The following NSUN6 variants were observed in gnomAD, a reference collection of about 807,000 sequenced individuals.
The protein encoded by NSUN6 is tRNA (cytosine(72)-C(5))-methyltransferase NSUN6.
NSUN6 carries 64 observed loss-of-function variants against 58.0 expected under a neutral mutation model. The observed-to-expected ratio is 1.10, with a 90% CI of 0.90 to 1.36. The LOEUF (loss-of-function observed/expected upper bound fraction) is 1.36. Among genes scored for constraint, NSUN6 ranks in the 40% most tolerant of loss-of-function variants. The pLI, the probability that NSUN6 is intolerant of heterozygous loss-of-function variation, is 0.00. For synonymous variants in NSUN6, 231 were observed against 193.9 expected (o/e 1.19, Z -1.59); for missense variants, 701 against 550.1 (o/e 1.27, Z -2.74).
intron 5 of NSUN6, among the ~76,000 whole-genome samples, chr10:18,611,012 T>G (rs1049073836): frequency 6.6e-6 from 1 of 152,094 alleles, no homozygotes; most frequent in Non-Finnish European, 1.5e-5. Context: ...GACAGCAGCC[T>G]GGGCAACATC....
chr10:18,609,892 G>T lies in NSUN6; in HGVS notation c.610C>A (p.Leu204Ile), dbSNP rs562858681. ...MGIRMTEPVY[L>I]SPSFDSVLPR... ...AGTACACTGTCAAATGAAGGGCTGA[G>T]ATATACTGGTTCTGTCATTCTTATG... The change falls in exon 6 of 11, where the codon CTC (leucine) becomes ATC (isoleucine). Residue 204 changes from leucine to isoleucine, a missense_variant. Physicochemically the swap from Leu to Ile is conservative, Grantham distance 5. Transcript: ENST00000377304. 32 of 1,605,196 alleles carry T rather than the reference G, an allele frequency of 2.0e-5. No individual in the cohort carries two copies. In the African/African-American group the frequency reaches 4.1e-4, roughly 21 times the overall value.
chr10:18,549,576 C>G (rs778749577), intron 9 of NSUN6, among the ~76,000 whole-genome samples: 4 of 152,038 alleles, frequency 2.6e-5, no homozygotes, highest in Non-Finnish European at 4.4e-5. Context: ...TGAATAAGGG[C>G]ATGGAGTGTT....
intron 7 of NSUN6, among the ~76,000 whole-genome samples, chr10:18,589,072 T>C (rs1388550043): frequency 6.6e-6 from 1 of 152,104 alleles, no homozygotes; most frequent in East Asian, 1.9e-4. Context: ...GAGAGGAACA[T>C]AAATGACCTG....
chr10:18,650,672 TA>T (rs2059677380), intron 1 of NSUN6, among the ~76,000 whole-genome samples: 1 of 152,206 alleles, frequency 6.6e-6, no homozygotes, highest in Non-Finnish European at 1.5e-5. Flanking sequence ...TGCTCAAGTC[TA>T]TTAAAAGAGG....
At chr10:18,595,624 G>T (rs1196159669) in intron 7 of NSUN6, among the ~76,000 whole-genome samples, 1 of 152,084 alleles carries the variant, frequency 6.6e-6, no homozygotes, top group Non-Finnish European at 1.5e-5. Flanking sequence ...TAAATAAGCA[G>T]GCAAGTATAT....
intron 8 of NSUN6, among the ~76,000 whole-genome samples, chr10:18,575,947 C>A (rs1481010560): frequency 6.6e-6 from 1 of 152,126 alleles, no homozygotes; most frequent in African/African-American, 2.4e-5. Flanking sequence ...GGATCACATC[C>A]TCATCAAAAG....
At chr10:18,638,977 G>A (rs562530679) in intron 3 of NSUN6, among the ~76,000 whole-genome samples, 65 of 145,884 alleles carry the variant, frequency 4.5e-4, no homozygotes, top group East Asian at 2.5e-3. Context: ...AAAACTGGCC[G>A]GCCATGGTGG....
intron 3 of NSUN6, among the ~76,000 whole-genome samples, chr10:18,635,953 A>G (rs531872157): frequency 2.0e-5 from 3 of 151,112 alleles, no homozygotes. Context: ...AGAATTCCAC[A>G]GATCTCCAAG....
chr10:18,588,685 G>C (rs2057265019), intron 7 of NSUN6, among the ~76,000 whole-genome samples: 3 of 152,140 alleles, frequency 2.0e-5, no homozygotes, highest in African/African-American at 4.8e-5. Flanking sequence ...GCAGAAGAGA[G>C]GCCTGTTAGA....
intron 2 of NSUN6, among the ~76,000 whole-genome samples, chr10:18,646,497 T>A (rs1351220567): frequency 6.6e-6 from 1 of 151,936 alleles, no homozygotes; most frequent in African/African-American, 2.4e-5. Flanking sequence ...ATCTTGTATA[T>A]CCAGACTAGG....
chr10:18,596,187 T>C, intron 7 of NSUN6, 21 bp downstream of exon 7: 1 of 1,598,640 alleles, frequency 6.3e-7, no homozygotes, highest in Non-Finnish European at 8.6e-7. Flanking sequence ...GAGAGTGGAT[T>C]TGCTGTGAAG....
upstream of NSUN6, chr10:18,658,498 C>G (rs1001309523): frequency 9.6e-5 from 16 of 166,982 alleles, no homozygotes; most frequent in Non-Finnish European, 1.6e-4. Flanking sequence ...ATGCTAGAAC[C>G]TAACCATGGA....
intron 3 of NSUN6, among the ~76,000 whole-genome samples, chr10:18,634,539 C>G (rs1330296019): frequency 2.0e-5 from 3 of 150,754 alleles, no homozygotes; most frequent in Non-Finnish European, 4.4e-5. Context: ...ATCACAAAGT[C>G]AGGAGATTGA....
chr10:18,568,769 T>C (rs2056150542), intron 8 of NSUN6, among the ~76,000 whole-genome samples: 2 of 151,544 alleles, frequency 1.3e-5, no homozygotes, highest in Admixed American at 6.6e-5. Context: ...TCACATTCCA[T>C]TGCAGTCTCC....
chr10:18,564,087 T>A (rs1267269141), intron 8 of NSUN6, among the ~76,000 whole-genome samples: 2 of 150,556 alleles, frequency 1.3e-5, no homozygotes, highest in African/African-American at 4.9e-5. Context: ...CCATTCCATT[T>A]CTTCCATTCT....
Position 18,614,845 on chromosome 10 carries a change from A to G in NSUN6, c.422-232T>C, listed in dbSNP as rs564592189. ...TTCAGTGAAAACAAAGAAATAAAATAGCTTCAAAACATCCTACCCTCAACT... is the reference window on the plus strand; with the variant it reads ...TTCAGTGAAAACAAAGAAATAAAATGGCTTCAAAACATCCTACCCTCAACT... On this transcript the variant is annotated intron_variant, in intron 4 of 10. Transcript: ENST00000377304. Among the ~76,000 whole-genome samples the G allele has an allele frequency of 2.6e-5, 4 of 152,236 alleles. No homozygotes were observed. In the South Asian group the frequency reaches 8.3e-4, roughly 32 times the overall value.
At chr10:18,591,772 G>C (rs991385700) in intron 7 of NSUN6, among the ~76,000 whole-genome samples, 1 of 152,236 alleles carries the variant, frequency 6.6e-6, no homozygotes, top group East Asian at 1.9e-4. Context: ...TACCGAATGG[G>C]CAAAAGCTGG....
chr10:18,580,517 C>G (rs560941808), intron 8 of NSUN6, among the ~76,000 whole-genome samples: 1 of 152,328 alleles, frequency 6.6e-6, no homozygotes, highest in African/African-American at 2.4e-5. Flanking sequence ...TGGGGGCTAT[C>G]TTCCTCCACC....
At chr10:18,554,732 ATG>A (rs1379318688) in intron 8 of NSUN6, among the ~76,000 whole-genome samples, 1 of 150,534 alleles carries the variant, frequency 6.6e-6, no homozygotes, top group Non-Finnish European at 1.5e-5. Flanking sequence ...GGAGTGGAGA[ATG>A]TATGGGAATG....
Sources: gnomAD v4.1 joint callset for allele counts (sites outside exome capture counted in the v4.1 genomes callset) on GRCh38, gnomAD v4.1.1 for gene constraint, MANE v1.5 for transcripts, NCBI Gene and HGNC (gene_info 2026-07-23, HGNC 2026-07-21) for gene names.